TMEM54: variants seen among roughly 807,000 people sequenced by gnomAD.
TMEM54 encodes transmembrane protein 54.
TMEM54 carries 21 observed loss-of-function variants against 21.3 expected under a neutral mutation model. That is an observed-to-expected ratio of 0.99 (90% CI 0.70 to 1.42). The LOEUF (loss-of-function observed/expected upper bound fraction) is 1.42, where lower values mean the gene tolerates loss of function less well. Ranked by LOEUF, TMEM54 falls within the 40% of genes most tolerant of loss-of-function variation. TMEM54 has a pLI of 0.00. For synonymous variants in TMEM54, 109 were observed against 125.0 expected (o/e 0.87, Z 0.86); for missense variants, 246 against 294.0 (o/e 0.84, Z 1.19).
intron 1 of TMEM54, among the ~76,000 whole-genome samples, chr1:32,899,576 G>T (rs977378490): frequency 1.9e-4 from 29 of 152,268 alleles, no homozygotes; most frequent in African/African-American, 6.5e-4. Context: ...GCATGGTGGT[G>T]CATGCCTCTA....
rs375870376 is a variant in TMEM54, at chr1:32,895,526, G to A, written c.459+29C>T. On this transcript the variant is annotated intron_variant, in intron 4 of 5. Coordinates refer to ENST00000373463, the MANE Select transcript of TMEM54 (RefSeq NM_033504.4). This position sits in a 1 kb window ranked among gnomAD's most constrained non-coding sequence, Gnocchi z 5.8. ...CCCTTCCCACCCGTGCGAGGGCCTGGTGCCCCTACTCCAGGCCTAGGTACT... is the reference window on the plus strand; with the variant it reads ...CCCTTCCCACCCGTGCGAGGGCCTGATGCCCCTACTCCAGGCCTAGGTACT... The A allele has an allele frequency of 3.0e-5, 48 of 1,590,634 alleles. No individual in the cohort carries two copies. Among genetic ancestry groups the A allele is most frequent in the Non-Finnish European group, 3.1e-5 (36 of 1,166,636 alleles).
In TMEM54 at chr1:32,896,190, C is replaced by T. The variant is rs940237514; in HGVS notation, c.211-221G>A. 23 of 508,484 alleles carry T rather than the reference C, an allele frequency of 4.5e-5. No individual in the cohort carries two copies. Among genetic ancestry groups the T allele is most frequent in the Non-Finnish European group, 7.3e-5 (21 of 287,302 alleles). 31.5% of individuals were successfully genotyped at this position (508,484 alleles called of 1,614,324 possible). A position where few individuals can be genotyped will look rare whatever the true frequency, so the allele number is the denominator to read the frequency against. On this transcript the variant is annotated intron_variant, in intron 2 of 5. Transcript: ENST00000373463. This position sits in a 1 kb window ranked among gnomAD's most constrained non-coding sequence, Gnocchi z 4.1. ...AAAACAGTCACTCCCTCTCTACAAC[C>T]TTCCATGAGTCCCCACTCCTAAGCC...
chr1:32,894,712 T>C lies in TMEM54; in HGVS notation c.*93A>G. The C allele has an allele frequency of 6.5e-7, 1 of 1,549,350 alleles. No individual in the cohort carries two copies. The highest frequency in any genetic ancestry group is 8.8e-7 in the Non-Finnish European group (1 of 1,135,166). ...GGGTCCCCGAGGGTCCATTGAGCCC[T>C]CTCAGGCCAGCTCCAGGAATCCTGG... On this transcript the variant is annotated 3_prime_UTR_variant, in exon 6 of 6. Transcript: ENST00000373463.
chr1:32,900,517 A>T (rs1488138075), intron 1 of TMEM54, among the ~76,000 whole-genome samples: 1 of 152,122 alleles, frequency 6.6e-6, no homozygotes, highest in Non-Finnish European at 1.5e-5. Context: ...AGCTGGCTTC[A>T]TTTGTCTTAC....
intron 1 of TMEM54, among the ~76,000 whole-genome samples, chr1:32,899,707 TA>T (rs1210853646): frequency 2.0e-5 from 3 of 151,994 alleles, no homozygotes; most frequent in Middle Eastern, 3.4e-3. Flanking sequence ...AGACCCCGTC[TA>T]AAAAAAATGA....
Position 32,894,961 on chromosome 1 carries a change from G to A in TMEM54, c.595-82C>T, listed in dbSNP as rs79707050. 1,028 of 1,557,720 alleles carry A rather than the reference G, an allele frequency of 6.6e-4. 8 individuals carry two copies. The African/African-American group carries it at 0.013, about 19-fold the overall frequency. Reference sequence around the variant, plus strand: ...CCAGGACATCCGGGAAATGGAAGGAGGTGAGGGCTGGAAGGCTCTCTGGGG... The same window carrying A: ...CCAGGACATCCGGGAAATGGAAGGAAGTGAGGGCTGGAAGGCTCTCTGGGG... On this transcript the variant is annotated intron_variant, in intron 5 of 5. Coordinates refer to ENST00000373463, the MANE Select transcript of TMEM54 (RefSeq NM_033504.4).
Position 32,901,247 on chromosome 1 carries a change from C to T in TMEM54, c.-9G>A. The T allele has an allele frequency of 1.4e-6, 2 of 1,438,014 alleles. No homozygotes were observed. The highest frequency in any genetic ancestry group is 1.8e-6 in the Non-Finnish European group (2 of 1,082,242). 89.1% of individuals were successfully genotyped at this position (1,438,014 alleles called of 1,614,324 possible). On this transcript the variant is annotated 5_prime_UTR_variant, in exon 1 of 6. Coordinates refer to ENST00000373463, the MANE Select transcript of TMEM54 (RefSeq NM_033504.4). The surrounding 1 kb of genome is among the most constrained non-coding windows in gnomAD (Gnocchi z 4.2). ...CCGAGGCGCAGACACATGTCGGCTC[C>T]GCGCTGGTCCCGCCCCCGGCTTCAG...
At chr1:32,900,578 T>G (rs1277001267) in intron 1 of TMEM54, among the ~76,000 whole-genome samples, 3 of 152,142 alleles carry the variant, frequency 2.0e-5, no homozygotes, top group Non-Finnish European at 4.4e-5. Context: ...AGCGCTTTAC[T>G]CTTAGAAGCT....
chr1:32,894,905 AC>A (rs746083236), intron 5 of TMEM54, 26 bp from the exon 6 acceptor site: 2 of 1,601,634 alleles, frequency 1.2e-6, no homozygotes, highest in East Asian at 2.2e-5. Flanking sequence ...AGGCTGCCAG[AC>A]CCACTGGTTC....
rs369927325 is a variant in TMEM54, at chr1:32,898,070, C to T, written c.210+56G>A. 5.9e-6 allele frequency: 9 copies of T among 1,517,974 alleles called. No individual in the cohort carries two copies. In the East Asian group the frequency reaches 6.9e-5, roughly 12 times the overall value. 94.0% of individuals were successfully genotyped at this position (1,517,974 alleles called of 1,614,324 possible). A position where few individuals can be genotyped will look rare whatever the true frequency, so the allele number is the denominator to read the frequency against. ...GCTCTGGGTGGGGACCTGTTGAAGA[C>T]CCTTCAAGCCCCCTCCAGCCTCCTC... On this transcript the variant is annotated intron_variant, in intron 2 of 5. Coordinates refer to ENST00000373463, the MANE Select transcript of TMEM54 (RefSeq NM_033504.4).
At chr1:32,900,921 T>G (rs1464918224) in intron 1 of TMEM54, among the ~76,000 whole-genome samples, 1 of 152,154 alleles carries the variant, frequency 6.6e-6, no homozygotes, top group Non-Finnish European at 1.5e-5. Context: ...CAGCGTCTCC[T>G]CTGCCGCCCA....
At position 32,895,177 on chromosome 1, in the gene TMEM54, T is replaced by G. The variant is rs1641555270; in HGVS notation, c.594+128A>C. The stretch of plus-strand genomic sequence containing the variant: ...GCCTCCAGGCCTCTCCCTTTGCTCC[T>G]GGGGAGAAAACTTCTGCCCCATTTC... On this transcript the variant is annotated intron_variant, in intron 5 of 5. Transcript: ENST00000373463. This position sits in a 1 kb window ranked among gnomAD's most constrained non-coding sequence, Gnocchi z 5.8. The G allele has an allele frequency of 6.6e-6, 9 of 1,363,814 alleles. No homozygotes were observed. In the South Asian group the frequency reaches 7.5e-5, roughly 11 times the overall value. 84.5% of individuals were successfully genotyped at this position (1,363,814 alleles called of 1,614,324 possible). A position where few individuals can be genotyped will look rare whatever the true frequency, so the allele number is the denominator to read the frequency against.
At position 32,895,506 on chromosome 1, in the gene TMEM54, C is replaced by T. The variant is rs372718654; in HGVS notation, c.459+49G>A. The T allele has an allele frequency of 6.3e-7, 1 of 1,590,764 alleles. No individual in the cohort carries two copies. Among genetic ancestry groups the T allele is most frequent in the Non-Finnish European group, 8.6e-7 (1 of 1,165,950 alleles). Reference sequence around the variant, plus strand: ...TGGAGGGTGGATTCCAAGAGCCCTTCCCACCCGTGCGAGGGCCTGGTGCCC... The same window carrying T: ...TGGAGGGTGGATTCCAAGAGCCCTTTCCACCCGTGCGAGGGCCTGGTGCCC... On this transcript the variant is annotated intron_variant, in intron 4 of 5. Transcript: ENST00000373463. The surrounding 1 kb of genome is among the most constrained non-coding windows in gnomAD (Gnocchi z 5.8).
At chr1:32,894,987 G>A in intron 5 of TMEM54, 108 bp from the exon 6 acceptor site, 4 of 1,505,528 alleles carry the variant, frequency 2.7e-6, no homozygotes, top group Non-Finnish European at 3.6e-6. Context: ...CTCTCTGGGG[G>A]CAAAGGGGCA....
chr1:32,898,999 A>G (rs1388308277), intron 1 of TMEM54, among the ~76,000 whole-genome samples: 1 of 152,152 alleles, frequency 6.6e-6, no homozygotes, highest in Admixed American at 6.5e-5. Context: ...GGGTACTGGG[A>G]AAAGCAAGCT....
intron 1 of TMEM54, 124 bp from the exon 2 acceptor site, chr1:32,898,443 C>T: frequency 1.1e-6 from 1 of 931,808 alleles, no homozygotes; most frequent in South Asian, 2.1e-5. Flanking sequence ...TGACTTGGAG[C>T]CAGTAACTTG....
Position 32,894,849 on chromosome 1 carries a change from G to T in TMEM54, c.625C>A (p.Arg209Ser), listed in dbSNP as rs746007733. 1 of 1,612,074 alleles carries T rather than the reference G, an allele frequency of 6.2e-7. No homozygotes were observed. The highest frequency in any genetic ancestry group is 2.2e-5 in the East Asian group (1 of 44,804). ...MRENPELVEG[R>S]DLLSCTSSEP... ...GAGCTGGTGCAGCTCAGCAGGTCAC[G>T]GCCCTCCACCAGCTCTGGGTTCTCC... Residue 209 changes from arginine (R) to serine (S), a missense_variant, in exon 6 of 6, where the codon CGT becomes AGT. Transcript: ENST00000373463.
Position 32,898,310 on chromosome 1 carries a change from C to T in TMEM54, c.26G>A (p.Ser9Asn). Residue 9 changes from serine to asparagine, a missense_variant, in exon 2 of 6, where the codon AGT becomes AAT. By Grantham distance (46) the Ser-to-Asn change is conservative (BLOSUM62 1). Coordinates refer to ENST00000373463, the MANE Select transcript of TMEM54 (RefSeq NM_033504.4). The stretch of plus-strand genomic sequence containing the variant: ...CAGCACCTTCCGGAAGTCGCCCACA[C>T]TCAGGCCTCCTGTGGGGGACAGCTA... The part of the protein sequence containing the change: MCLRLGGL[S>N]VGDFRKVLMK... 6.2e-7 allele frequency: 1 copy of T among 1,600,970 alleles called. No individual in the cohort carries two copies. The highest frequency in any genetic ancestry group is 8.6e-7 in the Non-Finnish European group (1 of 1,169,160).
At position 32,894,862 on chromosome 1, in the gene TMEM54, C is replaced by T. The variant is rs764390268; in HGVS notation, c.612G>A (p.Glu204=). 1.9e-6 allele frequency: 3 copies of T among 1,611,278 alleles called. No individual in the cohort carries two copies. The highest frequency in any genetic ancestry group is 4.5e-5 in the East Asian group (2 of 44,764). Residue 204 remains glutamate, a synonymous_variant, in exon 6 of 6, where the codon GAG becomes GAA. Coordinates refer to ENST00000373463, the MANE Select transcript of TMEM54 (RefSeq NM_033504.4). ...SSHHMMRENP[E]LVEGRDLLSC... ...TCAGCAGGTCACGGCCCTCCACCAG[C>T]TCTGGGTTCTCCCGCATCTGCAGAG... is the stretch of plus-strand genomic sequence containing the variant.
Sources: gnomAD v4.1 joint callset for allele counts (sites outside exome capture counted in the v4.1 genomes callset) on GRCh38, gnomAD v4.1.1 for gene constraint, Gnocchi (gnomAD v3.1) non-coding constraint, MANE v1.5 for transcripts, NCBI Gene and HGNC (gene_info 2026-07-23, HGNC 2026-07-21) for gene names.